Variants in CELF4 observed in about 807,000 individuals in gnomAD.
CELF4 encodes CUGBP Elav-like family member 4.
Under a neutral mutation model 59.9 loss-of-function variants are expected in CELF4, and 18 were observed. That is an observed-to-expected ratio of 0.30 (90% CI 0.21 to 0.45). The LOEUF (loss-of-function observed/expected upper bound fraction) is 0.45, where lower values mean the gene tolerates loss of function less well. Ranked by LOEUF, CELF4 falls within the 20% of genes least tolerant of loss-of-function variation. CELF4 has a pLI of 1.00. For synonymous variants in CELF4, 261 were observed against 267.1 expected (o/e 0.98, Z 0.22); for missense variants, 456 against 689.0 (o/e 0.66, Z 3.79).
At chr18:37,488,590 G>A (rs1173264388) in intron 1 of CELF4, among the ~76,000 whole-genome samples, 2 of 152,022 alleles carry the variant, frequency 1.3e-5, no homozygotes, top group African/African-American at 4.8e-5. Flanking sequence ...CTGATGGGAG[G>A]GTTTTTGCCC....
At chr18:37,503,660 G>T (rs1330608178) in intron 1 of CELF4, among the ~76,000 whole-genome samples, 1 of 152,204 alleles carries the variant, frequency 6.6e-6, no homozygotes, top group Non-Finnish European at 1.5e-5. Context: ...CACCACTTCT[G>T]CCACCAAGGT....
intron 2 of CELF4, among the ~76,000 whole-genome samples, chr18:37,349,180 T>C (rs2098380697): frequency 6.6e-6 from 1 of 152,220 alleles, no homozygotes; most frequent in South Asian, 2.1e-4. Flanking sequence ...AACTCAGAGA[T>C]AGCGCAGGCG....
intron 1 of CELF4, among the ~76,000 whole-genome samples, chr18:37,530,635 G>T (rs1034787766): frequency 1.3e-5 from 2 of 152,132 alleles, no homozygotes; most frequent in Admixed American, 6.5e-5. Context: ...TGGGGTAGGG[G>T]TCACATTTGC....
chr18:37,433,208 C>T (rs536734925), intron 2 of CELF4, among the ~76,000 whole-genome samples: 12 of 152,290 alleles, frequency 7.9e-5, no homozygotes, highest in African/African-American at 2.6e-4. Context: ...AACGTGAGAG[C>T]CAGAAAGCAC....
chr18:37,242,906 C>T (rs966246530), downstream of CELF4: 3 of 152,234 alleles, frequency 2.0e-5, no homozygotes, highest in Non-Finnish European at 4.4e-5. Flanking sequence ...AAGAGCCTCA[C>T]ATGCTGAGGC....
At chr18:37,291,577 A>G (rs1185092745) in intron 3 of CELF4, among the ~76,000 whole-genome samples, 12 of 152,130 alleles carry the variant, frequency 7.9e-5, no homozygotes, top group Admixed American at 6.5e-4. Context: ...CTCTCTCCTC[A>G]GCTACAGAAT....
At chr18:37,420,063 G>A (rs1402180689) in intron 2 of CELF4, among the ~76,000 whole-genome samples, 1 of 152,206 alleles carries the variant, frequency 6.6e-6, no homozygotes, top group Non-Finnish European at 1.5e-5. Context: ...TGGGAGGCTT[G>A]GGGGTGGGAA....
chr18:37,250,498 C>G (rs1284023331), intron 12 of CELF4, among the ~76,000 whole-genome samples: 4 of 152,186 alleles, frequency 2.6e-5, no homozygotes, highest in African/African-American at 9.6e-5. Flanking sequence ...TGCCCTAGCC[C>G]TGAGGTCCCC....
chr18:37,375,510 T>C (rs147779986), intron 2 of CELF4, among the ~76,000 whole-genome samples: 1 of 152,182 alleles, frequency 6.6e-6, no homozygotes, highest in African/African-American at 2.4e-5. Context: ...TGACCTCCGA[T>C]GCTGATGCTG....
intron 1 of CELF4, among the ~76,000 whole-genome samples, chr18:37,491,822 G>A (rs1414087880): frequency 6.6e-6 from 1 of 152,208 alleles, no homozygotes; most frequent in Non-Finnish European, 1.5e-5. Flanking sequence ...CCAAGAAGGT[G>A]GGCGGTGCCC....
chr18:37,495,982 T>C (rs1002442254), intron 1 of CELF4, among the ~76,000 whole-genome samples: 1 of 152,064 alleles, frequency 6.6e-6, no homozygotes, highest in Non-Finnish European at 1.5e-5. Flanking sequence ...GACCCTCCCT[T>C]TGGGTCACAC....
intron 2 of CELF4, among the ~76,000 whole-genome samples, chr18:37,325,969 A>G (rs1453049949): frequency 6.6e-6 from 1 of 152,162 alleles, no homozygotes; most frequent in African/African-American, 2.4e-5. Context: ...GGTCGGGAAG[A>G]TTTCTCAGCT....
chr18:37,564,690 T>C (rs1277698989), intron 1 of CELF4, among the ~76,000 whole-genome samples: 2 of 152,050 alleles, frequency 1.3e-5, no homozygotes. Context: ...GGCTGGTTCC[T>C]TGCTAATTCT....
At chr18:37,292,585 A>G (rs1361391668) in intron 3 of CELF4, among the ~76,000 whole-genome samples, 1 of 152,184 alleles carries the variant, frequency 6.6e-6, no homozygotes, top group African/African-American at 2.4e-5. Context: ...CAGTCCCTGG[A>G]ATGGAGGAAA....
intron 1 of CELF4, among the ~76,000 whole-genome samples, chr18:37,550,964 C>A (rs1219371327): frequency 6.6e-6 from 1 of 152,150 alleles, no homozygotes. Flanking sequence ...CAACAAGGGG[C>A]AAGGCATTGA....
In CELF4 at chr18:37,510,020, T is replaced by C. The variant is rs568846143; in HGVS notation, c.287-24413A>G. 3.9e-5 allele frequency among the ~76,000 whole-genome samples: 6 copies of C among 152,210 alleles called. No homozygotes were observed. In the South Asian group the frequency reaches 1.2e-3, roughly 32 times the overall value. The stretch of plus-strand genomic sequence containing the variant: ...GGATTGGGAGGAGGTAGGAATGGGG[T>C]ATAACTGCCTAATGCACACGAAGGT... On this transcript the variant is annotated intron_variant, in intron 1 of 12. Coordinates refer to ENST00000420428, the MANE Select transcript of CELF4 (RefSeq NM_020180.4).
At chr18:37,449,880 C>T (rs1413191505) in intron 2 of CELF4, among the ~76,000 whole-genome samples, 2 of 152,212 alleles carry the variant, frequency 1.3e-5, no homozygotes, top group Admixed American at 6.5e-5. Context: ...AGGCCCTTGG[C>T]TCTGGCTACC....
intron 2 of CELF4, among the ~76,000 whole-genome samples, chr18:37,323,100 G>A (rs1048746803): frequency 5.9e-5 from 9 of 152,242 alleles, no homozygotes; most frequent in South Asian, 2.1e-4. Context: ...TTTTGGCTGC[G>A]TCAGGACAAC....
chr18:37,291,828 C>T (rs986061446), intron 3 of CELF4, among the ~76,000 whole-genome samples: 1 of 152,150 alleles, frequency 6.6e-6, no homozygotes, highest in Non-Finnish European at 1.5e-5. Context: ...CAGATTCAGC[C>T]TCTTTCTAAC....
Sources: allele counts gnomAD v4.1 joint callset (sites outside exome capture counted in the v4.1 genomes callset), GRCh38; gene constraint gnomAD v4.1.1; transcripts MANE v1.5; gene names NCBI Gene and HGNC (gene_info 2026-07-23, HGNC 2026-07-21).